IL3RA: variants seen among roughly 807,000 people sequenced by gnomAD.
IL3RA encodes the protein interleukin 3 receptor subunit alpha, also known as interleukin-3 receptor subunit alpha.
A neutral mutation model predicts 52.3 loss-of-function variants in IL3RA; 73 were observed. That is an observed-to-expected ratio of 1.40 (90% CI 1.16 to 1.70). The LOEUF is 1.70. Ranked by LOEUF, IL3RA falls within the 40% of genes most tolerant of loss-of-function variation. The pLI is 0.00. For synonymous variants in IL3RA, 260 were observed against 194.0 expected, an observed-to-expected ratio of 1.34 and a Z score of -2.83; for missense variants, 664 against 504.4, an observed-to-expected ratio of 1.32 and a Z score of -3.03.
At position 1,352,360 on chromosome X, in the gene IL3RA, A is replaced by G. The variant is rs751112385; in HGVS notation, c.470A>G (p.Asp157Gly). The G allele has an allele frequency of 2.5e-6, 4 of 1,613,808 alleles. No homozygotes were observed. In the African/African-American group the frequency reaches 5.3e-5, roughly 22 times the overall value. ...TACGAGTGTCTTCACTACAAAACGG[A>G]TGCTCAGGGAACACGTATCGGGTGT... ...QQYECLHYKT[D>G]AQGTRIGCRF... is the part of the protein sequence containing the mutation. The change falls in exon 6 of 12, where the codon GAT (aspartate) becomes GGT (glycine). Residue 157 changes from aspartate to glycine, a missense_variant. By Grantham distance (94) the Asp-to-Gly change is moderately conservative. Transcript: ENST00000331035.
At chrX:1,377,003 G>T (rs746737846) in intron 9 of IL3RA, among the ~76,000 whole-genome samples, 1 of 145,920 alleles carries the variant, frequency 6.9e-6, no homozygotes, top group Non-Finnish European at 1.5e-5. Context: ...AAGCCGCCCA[G>T]CCTCTGGTAT....
At chrX:1,347,088 G>C (rs2085772788) in intron 3 of IL3RA, among the ~76,000 whole-genome samples, 1 of 151,224 alleles carries the variant, frequency 6.6e-6, no homozygotes, top group African/African-American at 2.5e-5. Flanking sequence ...GAATGAAGGA[G>C]AACCTGCCTT....
intron 9 of IL3RA, among the ~76,000 whole-genome samples, chrX:1,367,512 C>T (rs867132551): frequency 3.6e-5 from 1 of 27,914 alleles, no homozygotes. Flanking sequence ...CGGGGTGAGC[C>T]GGGTGCGCGG....
chrX:1,355,453 G>T (rs1413873241), intron 6 of IL3RA, among the ~76,000 whole-genome samples: 2 of 111,616 alleles, frequency 1.8e-5, no homozygotes, highest in Non-Finnish European at 4.0e-5. Context: ...GAAAGACCAG[G>T]AGGGTAGGAG....
At chrX:1,337,788 C>G (rs1204722484) in intron 1 of IL3RA, among the ~76,000 whole-genome samples, 1 of 149,232 alleles carries the variant, frequency 6.7e-6, no homozygotes, top group Non-Finnish European at 1.5e-5. Context: ...ATAATGTGGT[C>G]CAGCCACACA....
intron 4 of IL3RA, 129 bp downstream of exon 4, chrX:1,348,674 CTTT>C: frequency 2.1e-6 from 1 of 481,786 alleles, no homozygotes; most frequent in Admixed American, 4.2e-5. Flanking sequence ...TTCTTTCTTT[CTTT>C]CTTTCTTTCT....
chrX:1,353,278 T>C (rs111723078), intron 6 of IL3RA, among the ~76,000 whole-genome samples: 526 of 14,520 alleles, frequency 0.036, 7 homozygotes, highest in Middle Eastern at 0.11. Context: ...ATGGATTCCA[T>C]CATGGGTCAT....
chrX:1,354,100 C>T (rs1243063199), intron 6 of IL3RA, among the ~76,000 whole-genome samples: 1 of 149,638 alleles, frequency 6.7e-6, no homozygotes, highest in East Asian at 2.0e-4. Context: ...TGGAATCCCT[C>T]ATCATGGGTC....
At chrX:1,341,628 T>C in intron 1 of IL3RA, 100 bp from the exon 2 acceptor site, 1 of 860,258 alleles carries the variant, frequency 1.2e-6, no homozygotes, top group Non-Finnish European at 1.9e-6. Context: ...CAGCTCCTTC[T>C]GCTGTGAGCA....
intron 8 of IL3RA, among the ~76,000 whole-genome samples, chrX:1,364,593 C>T (rs1408762447): frequency 6.6e-6 from 1 of 151,836 alleles, no homozygotes; most frequent in African/African-American, 2.4e-5. Flanking sequence ...ACCTCAGCCT[C>T]CCTGGTAGCT....
intron 8 of IL3RA, among the ~76,000 whole-genome samples, chrX:1,362,656 C>T (rs2087544160): frequency 6.6e-6 from 1 of 152,172 alleles, no homozygotes; most frequent in Admixed American, 6.6e-5. Context: ...AATGAGGATC[C>T]TTCCCGCTTC....
Position 1,345,321 on chromosome X carries a change from A to G in IL3RA, c.70A>G (p.Asn24Asp), listed in dbSNP as rs2085693005. ...PCLLQTKEDP[N>D]PPITNLRMKA... ...CCAACCTGTCACCGTTTTAGATCCA[A>G]ACCCACCAATCACGAACCTAAGGAT... is the stretch of plus-strand genomic sequence containing the variant. Residue 24 changes from asparagine to aspartate, a missense_variant, in exon 3 of 12, where the codon AAC (asparagine) becomes GAC (aspartate). Physicochemically the swap from Asn to Asp is conservative, Grantham distance 23 (BLOSUM62 1). Transcript: ENST00000331035. 1.9e-6 allele frequency: 3 copies of G among 1,608,750 alleles called. No individual in the cohort carries two copies. In the African/African-American group the frequency reaches 4.0e-5, roughly 22 times the overall value.
Position 1,348,211 on chromosome X carries a change from G to A in IL3RA, c.184-220G>A, listed in dbSNP as rs2085855771. 2.0e-5 allele frequency among the ~76,000 whole-genome samples: 3 copies of A among 150,468 alleles called. No individual in the cohort carries two copies. The Admixed American group carries it at 2.0e-4, about 10-fold the overall frequency. On this transcript the variant is annotated intron_variant, in intron 3 of 11. Transcript: ENST00000331035. ...AGAAAAATACTTTAAAAATTAGCTGGGCGTGGTGGCGGGCACCTGTAATCC... is the reference window on the plus strand; with the variant it reads ...AGAAAAATACTTTAAAAATTAGCTGAGCGTGGTGGCGGGCACCTGTAATCC...
intron 7 of IL3RA, among the ~76,000 whole-genome samples, chrX:1,358,200 T>C (rs780768893): frequency 1.3e-5 from 2 of 152,184 alleles, no homozygotes; most frequent in South Asian, 2.1e-4. Flanking sequence ...GGCAGAGTCG[T>C]AGCTAGTCTG....
At position 1,362,242 on chromosome X, in the gene IL3RA, TTGTC is replaced by T. The variant is rs201261149; in HGVS notation, c.760-2894_760-2891del. On this transcript the variant is annotated intron_variant, in intron 8 of 11. Coordinates refer to ENST00000331035, the MANE Select transcript of IL3RA (RefSeq NM_002183.4). ...TGTCCATCACCCACTCTGTCTGTCTTTGTCTATGTCTCTCTGTTTTTCTGTCTCT... is the reference window on the plus strand; with the variant it reads ...TGTCCATCACCCACTCTGTCTGTCTTTATGTCTCTCTGTTTTTCTGTCTCT... Among the ~76,000 whole-genome samples the T allele has an allele frequency of 4.8e-3, 722 of 151,382 alleles. 9 individuals carry two copies. Among genetic ancestry groups the T allele is most frequent in the African/African-American group, 0.017 (690 of 41,302 alleles).
chrX:1,365,366 CCGGGT>C (rs2087885682), intron 9 of IL3RA, 114 bp downstream of exon 9: 1 of 311,200 alleles, frequency 3.2e-6, no homozygotes, highest in African/African-American at 4.2e-5. Flanking sequence ...GCGGGGTGAG[CCGGGT>C]GCGCGGGGTG....
intron 3 of IL3RA, among the ~76,000 whole-genome samples, chrX:1,347,693 C>G (rs1376869768): frequency 5.9e-5 from 9 of 151,764 alleles, no homozygotes; most frequent in South Asian, 2.1e-4. Flanking sequence ...AAGTATTTCA[C>G]TAATATTTAC....
intron 2 of IL3RA, 39 bp downstream of exon 2, chrX:1,341,868 G>A (rs371673478): frequency 6.2e-7 from 1 of 1,600,250 alleles, no homozygotes; most frequent in African/African-American, 1.3e-5. Context: ...CACCTGGGGA[G>A]CGGTGGGGGT....
Position 1,356,219 on chromosome X carries a change from A to T in IL3RA, c.617-2A>T. The T allele has an allele frequency of 6.5e-7, 1 of 1,547,746 alleles. No homozygotes were observed. The highest frequency in any genetic ancestry group is 8.9e-7 in the Non-Finnish European group (1 of 1,122,710). On this transcript the variant is annotated splice_acceptor_variant, in intron 6 of 11. Coordinates refer to ENST00000331035, the MANE Select transcript of IL3RA (RefSeq NM_002183.4). LOFTEE classifies it high-confidence loss of function. ...TCCTAAAAGTGTTTTTCTCGTTGCT[A>T]GAGATATTAACTCCACCCAACATGA...
Sources: allele counts gnomAD v4.1 joint callset (sites outside exome capture counted in the v4.1 genomes callset), GRCh38; gene constraint gnomAD v4.1.1; transcripts MANE v1.5; gene names NCBI Gene and HGNC (gene_info 2026-07-23, HGNC 2026-07-21).